The following COPS2 variants were observed in gnomAD, a reference collection of about 807,000 sequenced individuals.
COPS2 encodes COP9 signalosome complex subunit 2.
A neutral mutation model predicts 66.1 loss-of-function variants in COPS2; 10 were observed. The ratio of observed to expected loss-of-function variants is 0.15; its 90% CI spans 0.09 to 0.26. The LOEUF is 0.26. Ranked by LOEUF, COPS2 falls within the 10% of genes least tolerant of loss-of-function variation. The probability of loss-of-function intolerance (pLI) is 1.00; values close to 1 mark genes in which losing one functional copy is unlikely to be tolerated. For synonymous variants in COPS2, 179 were observed against 171.3 expected, an observed-to-expected ratio of 1.04 and a Z score of -0.35; for missense variants, 215 against 513.3, an observed-to-expected ratio of 0.42 and a Z score of 5.62.
intron 4 of COPS2, among the ~76,000 whole-genome samples, chr15:49,138,936 A>T (rs1035532605): frequency 2.0e-5 from 3 of 152,350 alleles, no homozygotes; most frequent in African/African-American, 7.2e-5. Context: ...TTATCTTAGC[A>T]AAAATATATA....
At chr15:49,137,533 T>C (rs1329398201) in intron 4 of COPS2, 96 bp from the exon 5 acceptor site, 2 of 853,876 alleles carry the variant, frequency 2.3e-6, no homozygotes, top group Non-Finnish European at 3.9e-6. Context: ...TCTTTGAACT[T>C]TAATACACAT....
intron 6 of COPS2, 37 bp downstream of exon 6, chr15:49,137,113 A>G: frequency 2.3e-6 from 3 of 1,285,068 alleles, no homozygotes; most frequent in Non-Finnish European, 3.2e-6. Context: ...TTTTTTTATT[A>G]TGAAGAAATA....
At chr15:49,132,152 A>G (rs2084214571) in intron 9 of COPS2, among the ~76,000 whole-genome samples, 2 of 152,200 alleles carry the variant, frequency 1.3e-5, no homozygotes, top group Non-Finnish European at 1.5e-5. Context: ...TTAACATTAT[A>G]AACAACTTTG....
At chr15:49,155,378 C>T (rs2084418161) in intron 1 of COPS2, 147 bp downstream of exon 1, 2 of 692,004 alleles carry the variant, frequency 2.9e-6, no homozygotes, top group East Asian at 5.6e-5. Flanking sequence ...GGTGCGGGAA[C>T]GGGGAGGAGG....
intron 10 of COPS2, among the ~76,000 whole-genome samples, chr15:49,130,066 T>C (rs953929478): frequency 1.3e-5 from 2 of 152,178 alleles, no homozygotes; most frequent in Admixed American, 6.5e-5. Flanking sequence ...TCCAGGTTCA[T>C]GTAAGAACTT....
At chr15:49,148,420 A>C (rs1309293268) in intron 1 of COPS2, among the ~76,000 whole-genome samples, 1 of 152,226 alleles carries the variant, frequency 6.6e-6, no homozygotes, top group Non-Finnish European at 1.5e-5. Flanking sequence ...CAGGTATAAA[A>C]GTATGAATAG....
In COPS2 at chr15:49,134,331, CA is replaced by C; in HGVS notation, c.715+8del. On this transcript the variant is annotated splice_region_variant and intron_variant, in intron 7 of 12. Transcript: ENST00000388901. ...ATGCCACTGCCCACCCTCTCCAAAC[CA>C]AACTTGCCTCTGATAACTCCCATAA... 1 of 1,611,212 alleles carries C rather than the reference CA, an allele frequency of 6.2e-7. No individual in the cohort carries two copies. Among genetic ancestry groups the C allele is most frequent in the South Asian group, 1.1e-5 (1 of 90,394 alleles).
At chr15:49,146,264 G>A (rs1464826447) in intron 1 of COPS2, among the ~76,000 whole-genome samples, 1 of 151,988 alleles carries the variant, frequency 6.6e-6, no homozygotes, top group African/African-American at 2.4e-5. Flanking sequence ...TTTAAGACCT[G>A]GAATTCCATT....
chr15:49,132,987 C>T (rs1442217670), intron 9 of COPS2, among the ~76,000 whole-genome samples: 1 of 127,566 alleles, frequency 7.8e-6, no homozygotes, highest in Non-Finnish European at 1.7e-5. Flanking sequence ...CCATTGTAAA[C>T]ATTTTTTTTT....
At chr15:49,138,204 T>C (rs1279636880) in intron 4 of COPS2, among the ~76,000 whole-genome samples, 3 of 152,196 alleles carry the variant, frequency 2.0e-5, no homozygotes, top group Admixed American at 2.0e-4. Flanking sequence ...TCTTGTTAAG[T>C]TCCCCTGCCC....
At chr15:49,130,574 C>A in intron 10 of COPS2, 145 bp downstream of exon 10, 1 of 436,496 alleles carries the variant, frequency 2.3e-6, no homozygotes, top group East Asian at 3.2e-5. Flanking sequence ...AAGGAATATC[C>A]CATCCAATGA....
intron 9 of COPS2, among the ~76,000 whole-genome samples, chr15:49,132,508 C>T (rs968125203): frequency 2.3e-5 from 3 of 128,524 alleles, no homozygotes; most frequent in African/African-American, 8.9e-5. Flanking sequence ...ATAGTGTTTT[C>T]TGTTAAATGA....
chr15:49,155,392 A>G, intron 1 of COPS2, 133 bp downstream of exon 1: 1 of 793,088 alleles, frequency 1.3e-6, no homozygotes, highest in Non-Finnish European at 2.1e-6. Context: ...GAGGAGGTAA[A>G]CCAGTCCTGT....
At chr15:49,132,354 CTTT>C (rs573971229) in intron 9 of COPS2, among the ~76,000 whole-genome samples, 1 of 144,428 alleles carries the variant, frequency 6.9e-6, no homozygotes, top group Non-Finnish European at 1.5e-5. Flanking sequence ...AAAAAAAACG[CTTT>C]TTTTTTTACA....
chr15:49,130,935 TTC>T, intron 9 of COPS2, 119 bp from the exon 10 acceptor site: 2 of 482,262 alleles, frequency 4.1e-6, no homozygotes, highest in South Asian at 8.2e-5. Flanking sequence ...ATATTATACT[TTC>T]TGTCATGGAA....
chr15:49,139,805 G>T, intron 3 of COPS2, 152 bp from the exon 4 acceptor site: 1 of 556,942 alleles, frequency 1.8e-6, no homozygotes, highest in East Asian at 3.1e-5. Flanking sequence ...TGTATGACAG[G>T]AACATTGTAA....
intron 6 of COPS2, among the ~76,000 whole-genome samples, 163 bp from the exon 7 acceptor site, chr15:49,134,677 A>G (rs2084238013): frequency 6.6e-6 from 1 of 152,222 alleles, no homozygotes; most frequent in South Asian, 2.1e-4. Flanking sequence ...TGTAATGGCC[A>G]AAAAGAAACT....
rs1006343012 is a variant in COPS2, at chr15:49,142,501, A to G, written c.246+1726T>C. ...AAGCTAATGGAGAGGTGGAGGAAAC[A>G]TATCATATGGGAAATACAAAAACAG... is the stretch of plus-strand genomic sequence containing the variant. On this transcript the variant is annotated intron_variant, in intron 3 of 12. Transcript: ENST00000388901. Among the ~76,000 whole-genome samples the G allele has an allele frequency of 7.2e-5, 11 of 152,196 alleles. No individual in the cohort carries two copies. The East Asian group carries it at 9.6e-4, about 13-fold the overall frequency.
chr15:49,144,896 G>T, intron 2 of COPS2, 69 bp downstream of exon 2: 1 of 813,966 alleles, frequency 1.2e-6, no homozygotes, highest in East Asian at 2.7e-5. Flanking sequence ...AAAATCACCT[G>T]GGACTTATTT....
Sources: gnomAD v4.1 joint callset for allele counts (sites outside exome capture counted in the v4.1 genomes callset) on GRCh38, gnomAD v4.1.1 for gene constraint, MANE v1.5 for transcripts, NCBI Gene and HGNC (gene_info 2026-07-23, HGNC 2026-07-21) for gene names.